Variants in OXR1 observed in about 807,000 individuals in gnomAD.
The protein encoded by OXR1 is oxidation resistance protein 1.
A neutral mutation model predicts 104.6 loss-of-function variants in OXR1; 41 were observed. That is an observed-to-expected ratio of 0.39 (90% CI 0.31 to 0.51). The LOEUF (loss-of-function observed/expected upper bound fraction) is 0.51. Among genes scored for constraint, OXR1 ranks in the 20% least tolerant of loss-of-function variants. The pLI is 0.77. For missense variants in OXR1, 955 were observed against 1,031.9 expected (o/e 0.93, Z 1.02); for synonymous variants, 348 against 348.4 (o/e 1.00, Z 0.01).
chr8:106,520,864 A>C (rs1456731464), intron 3 of OXR1, among the ~76,000 whole-genome samples: 2 of 152,246 alleles, frequency 1.3e-5, no homozygotes, highest in East Asian at 3.9e-4. Flanking sequence ...CTTAAAAATT[A>C]GAAAAAAAGG....
chr8:106,746,958 A>G (rs1000920713), intron 16 of OXR1, among the ~76,000 whole-genome samples: 2 of 152,190 alleles, frequency 1.3e-5, no homozygotes, highest in African/African-American at 2.4e-5. Flanking sequence ...TGCTGGAACT[A>G]GATTTTATTG....
intron 11 of OXR1, chr8:106,720,662 C>G: frequency 1.1e-6 from 1 of 886,982 alleles, no homozygotes; most frequent in Non-Finnish European, 1.4e-6. Context: ...TGTCATAGCT[C>G]CCTTACATAC....
chr8:106,711,907 C>CT (rs1367174612), intron 10 of OXR1, among the ~76,000 whole-genome samples: 2 of 152,164 alleles, frequency 1.3e-5, no homozygotes, highest in East Asian at 3.9e-4. Flanking sequence ...TAATGCTACA[C>CT]TAACATACTT....
At chr8:106,726,898 C>T (rs1433065789) in intron 11 of OXR1, among the ~76,000 whole-genome samples, 1 of 151,996 alleles carries the variant, frequency 6.6e-6, no homozygotes, top group Non-Finnish European at 1.5e-5. Context: ...AATGTATTGT[C>T]CATTGCTCTT....
At chr8:106,366,046 T>G (rs1816455673) in intron 2 of OXR1, among the ~76,000 whole-genome samples, 1 of 152,158 alleles carries the variant, frequency 6.6e-6, no homozygotes. Flanking sequence ...CCAGCCCTCC[T>G]TCTCAAACTT....
intron 3 of OXR1, among the ~76,000 whole-genome samples, chr8:106,548,130 T>C (rs917588234): frequency 2.6e-5 from 4 of 152,198 alleles, no homozygotes; most frequent in Non-Finnish European, 4.4e-5. Context: ...ATATTTCTTA[T>C]TTTCTGTTTG....
intron 2 of OXR1, among the ~76,000 whole-genome samples, chr8:106,370,494 A>G (rs1403709763): frequency 6.6e-6 from 1 of 152,104 alleles, no homozygotes; most frequent in African/African-American, 2.4e-5. Context: ...AAAGGGAATG[A>G]GTCTAGCTTT....
At chr8:106,532,329 A>G (rs768172783) in intron 3 of OXR1, among the ~76,000 whole-genome samples, 4 of 152,234 alleles carry the variant, frequency 2.6e-5, no homozygotes, top group Non-Finnish European at 5.9e-5. Context: ...ATGTTATTTA[A>G]GAGCCTTGGC....
intron 2 of OXR1, among the ~76,000 whole-genome samples, chr8:106,480,630 C>A (rs1309303137): frequency 6.6e-6 from 1 of 151,822 alleles, no homozygotes; most frequent in African/African-American, 2.4e-5. Context: ...TTACTGTGAG[C>A]CCTCAGTAAA....
At chr8:106,501,549 A>C (rs1384681860) in intron 2 of OXR1, among the ~76,000 whole-genome samples, 1 of 151,926 alleles carries the variant, frequency 6.6e-6, no homozygotes, top group African/African-American at 2.4e-5. Flanking sequence ...GAGTGGAAGC[A>C]GGAGAAGGAA....
intron 2 of OXR1, among the ~76,000 whole-genome samples, chr8:106,452,851 C>A (rs371485776): frequency 3.4e-4 from 48 of 140,702 alleles, no homozygotes; most frequent in African/African-American, 1.2e-3. Flanking sequence ...GAAACATAGG[C>A]AATCCTTTAG....
chr8:106,544,375 C>T (rs1420492065), intron 3 of OXR1, among the ~76,000 whole-genome samples: 2 of 152,078 alleles, frequency 1.3e-5, no homozygotes, highest in Admixed American at 1.3e-4. Flanking sequence ...AAAGTTTGAT[C>T]ACATTAAAAG....
chr8:106,679,247 A>C lies in OXR1; in HGVS notation c.258A>C (p.Gly86=). 6.2e-7 allele frequency: 1 copy of C among 1,610,686 alleles called. No individual in the cohort carries two copies. Among genetic ancestry groups the C allele is most frequent in the Non-Finnish European group, 8.5e-7 (1 of 1,177,498 alleles). The change falls in exon 4 of 17, where the codon GGA becomes GGC. Residue 86 remains glycine, a synonymous_variant. Coordinates refer to ENST00000517566, the MANE Select transcript of OXR1 (RefSeq NM_001198533.2). ...GQKKTLDKKD[G]RRMSFQKPKG... ...AGAAGACCCTAGACAAGAAAGATGG[A>C]AGACGAATGTCTTTTCAGAAACCTA...
At chr8:106,642,693 T>G (rs1451524822) in intron 3 of OXR1, among the ~76,000 whole-genome samples, 1 of 152,012 alleles carries the variant, frequency 6.6e-6, no homozygotes, top group Non-Finnish European at 1.5e-5. Context: ...AAGAATCAGG[T>G]TTGGTTACAG....
At chr8:106,306,072 A>G (rs941031533) in intron 1 of OXR1, among the ~76,000 whole-genome samples, 1 of 151,600 alleles carries the variant, frequency 6.6e-6, no homozygotes. Context: ...AAAATGCAGT[A>G]TGAATCTGAT....
At chr8:106,306,277 A>T (rs562541844) in intron 1 of OXR1, among the ~76,000 whole-genome samples, 1 of 152,130 alleles carries the variant, frequency 6.6e-6, no homozygotes, top group Non-Finnish European at 1.5e-5. Flanking sequence ...ACAAATCCTT[A>T]AAGTTAATAA....
chr8:106,401,693 A>G (rs1003830386), intron 2 of OXR1, among the ~76,000 whole-genome samples: 1 of 152,234 alleles, frequency 6.6e-6, no homozygotes, highest in Admixed American at 6.5e-5. Flanking sequence ...ATCTCAGAAG[A>G]GATATCACAG....
intron 1 of OXR1, among the ~76,000 whole-genome samples, chr8:106,274,993 C>G (rs1040809081): frequency 2.6e-5 from 4 of 152,208 alleles, no homozygotes; most frequent in Non-Finnish European, 1.5e-5. Context: ...AGGTTCTGTT[C>G]TAGACACTGG....
chr8:106,642,132 T>A (rs1823705594), intron 3 of OXR1, among the ~76,000 whole-genome samples: 1 of 152,100 alleles, frequency 6.6e-6, no homozygotes, highest in Non-Finnish European at 1.5e-5. Context: ...ACAAAACAAA[T>A]ACTGTAAAAT....
Sources: gnomAD v4.1 joint callset for allele counts (sites outside exome capture counted in the v4.1 genomes callset) on GRCh38, gnomAD v4.1.1 for gene constraint, MANE v1.5 for transcripts, NCBI Gene and HGNC (gene_info 2026-07-23, HGNC 2026-07-21) for gene names.